The following AP3D1 variants were observed in gnomAD, a reference collection of about 807,000 sequenced individuals.
The protein encoded by AP3D1 is adaptor related protein complex 3 subunit delta 1, also known as AP-3 complex subunit delta-1.
In AP3D1, 51 loss-of-function variants were observed where a neutral mutation model predicts 147.6. That is an observed-to-expected ratio of 0.35 (90% confidence interval 0.28 to 0.44). The LOEUF (loss-of-function observed/expected upper bound fraction) is 0.44. Among genes scored for constraint, AP3D1 ranks in the 20% least tolerant of loss-of-function variants. AP3D1 has a pLI of 1.00. For synonymous variants in AP3D1, 760 were observed against 663.0 expected (o/e 1.15, Z -2.25); for missense variants, 1,421 against 1,624.2 (o/e 0.87, Z 2.15).
At chr19:2,159,412 G>A (rs555062927) in intron 1 of AP3D1, among the ~76,000 whole-genome samples, 1 of 150,252 alleles carries the variant, frequency 6.7e-6, no homozygotes, top group Non-Finnish European at 1.5e-5. Flanking sequence ...TTTTTGAGAC[G>A]GAGTCTCGCT....
chr19:2,125,331 T>G (rs1599466815), intron 9 of AP3D1, among the ~76,000 whole-genome samples: 1 of 152,150 alleles, frequency 6.6e-6, no homozygotes, highest in Non-Finnish European at 1.5e-5. Context: ...GTTTCGTTTT[T>G]TGAGAAGAAG....
In AP3D1 at chr19:2,109,909, C is replaced by A. The variant is rs762226829; in HGVS notation, c.3314G>T (p.Ser1105Ile). The A allele has an allele frequency of 8.1e-6, 13 of 1,613,632 alleles. No individual in the cohort carries two copies. The highest frequency in any genetic ancestry group is 1.1e-5 in the Non-Finnish European group (13 of 1,179,986). Residue 1105 changes from serine (S) to isoleucine (I), a missense_variant, in exon 29 of 32, where the codon AGC becomes ATC. By Grantham distance (142) the Ser-to-Ile change is moderately radical. This residue lies in a region of AP3D1 where 791 missense variants were observed against 761.4 expected (regional missense o/e 1.04). Transcript: ENST00000643116. ...AGTGGTGATCAAGTAGGAGCTGCAG[C>A]TGAAGTGCAGCCTGAAGTCCAGCTT... ...HEKLDFRLHF[S>I]CSSYLITTPC...
rs758320948 is a variant in AP3D1 at position 2,115,422 on chromosome 19, C to T, written c.2150-4G>A. On this transcript the variant is annotated splice_polypyrimidine_tract_variant and splice_region_variant and intron_variant, in intron 19 of 31. Coordinates refer to ENST00000643116, the MANE Select transcript of AP3D1 (RefSeq NM_001261826.3). ...TACTGATCTGACATAGGCAGCCCTG[C>T]GGGCCGGCAGCGGGCAGCCACTCAG... The T allele has an allele frequency of 6.2e-6, 10 of 1,607,094 alleles. No homozygotes were observed. The South Asian group carries it at 6.6e-5, about 11-fold the overall frequency.
intron 31 of AP3D1, among the ~76,000 whole-genome samples, chr19:2,107,954 G>A (rs1231697256): frequency 2.0e-5 from 3 of 152,178 alleles, no homozygotes; most frequent in East Asian, 1.9e-4. Flanking sequence ...CTCACCCAAC[G>A]TGAACGGTAA....
chr19:2,128,092 C>A (rs566223962), intron 8 of AP3D1, among the ~76,000 whole-genome samples: 1 of 152,186 alleles, frequency 6.6e-6, no homozygotes, highest in African/African-American at 2.4e-5. Context: ...GGCGATGACG[C>A]CTCTGCCTGC....
chr19:2,151,933 C>T (rs779846816), upstream of AP3D1, among the ~76,000 whole-genome samples: 3 of 152,248 alleles, frequency 2.0e-5, no homozygotes, highest in Non-Finnish European at 2.9e-5. Context: ...AAGACTGGAG[C>T]TCCGCCTTTC....
At chr19:2,107,860 C>A (rs1318088572) in intron 31 of AP3D1, among the ~76,000 whole-genome samples, 1 of 152,138 alleles carries the variant, frequency 6.6e-6, no homozygotes, top group Admixed American at 6.5e-5. Flanking sequence ...AGGAGCAGCG[C>A]GAATACGGCA....
chr19:2,145,871 A>C (rs2019343147), intron 1 of AP3D1, among the ~76,000 whole-genome samples: 1 of 152,230 alleles, frequency 6.6e-6, no homozygotes. Flanking sequence ...TTCAGGAAGA[A>C]CGCAAGCGGC....
rs1357081718 is a variant in AP3D1, at chr19:2,128,085, G to A, written c.807-884C>T. On this transcript the variant is annotated intron_variant, in intron 8 of 31. Coordinates refer to ENST00000643116, the MANE Select transcript of AP3D1 (RefSeq NM_001261826.3). ...CATGACTGCATCTGAAAGTCATGGC[G>A]ATGACGCCTCTGCCTGCGGCCCACT... is the stretch of plus-strand genomic sequence containing the variant. Among the ~76,000 whole-genome samples, 9 of 152,312 alleles carry A rather than the reference G, an allele frequency of 5.9e-5. No homozygotes were observed. The South Asian group carries it at 1.2e-3, about 21-fold the overall frequency.
At position 2,123,849 on chromosome 19, in the gene AP3D1, T is replaced by C. The variant is rs1194774329; in HGVS notation, c.887A>G (p.Asn296Ser). ...VLISLSSGMPNHSASIQLCVQ... is the reference protein window; with the variant it reads ...VLISLSSGMPSHSASIQLCVQ... Reference sequence around the variant, plus strand: ...ACGTACCTGGATGCTGGCGCTGTGGTTGGGCATGCCGGAGGACAGCGAGAT... The same window carrying C: ...ACGTACCTGGATGCTGGCGCTGTGGCTGGGCATGCCGGAGGACAGCGAGAT... The change falls in exon 10 of 32, where the codon AAC becomes AGC. Residue 296 changes from asparagine (N) to serine (S), a missense_variant. Physicochemically the swap from Asn to Ser is conservative, Grantham distance 46. Coordinates refer to ENST00000643116, the MANE Select transcript of AP3D1 (RefSeq NM_001261826.3). 3.2e-6 allele frequency: 5 copies of C among 1,577,796 alleles called. No individual in the cohort carries two copies. The highest frequency in any genetic ancestry group is 4.3e-6 in the Non-Finnish European group (5 of 1,162,098).
At chr19:2,115,710 A>C in intron 18 of AP3D1, 97 bp from the exon 19 acceptor site, 7 of 1,279,646 alleles carry the variant, frequency 5.5e-6, no homozygotes, top group South Asian at 1.4e-5. Flanking sequence ...CAGCCCCAAC[A>C]TCCTAAGGAG....
chr19:2,110,676 C>A (rs2018246355), intron 27 of AP3D1, 31 bp downstream of exon 27: 1 of 1,550,116 alleles, frequency 6.5e-7, no homozygotes. Context: ...CCACAGTCCC[C>A]AGGAGAGGCC....
intron 1 of AP3D1, among the ~76,000 whole-genome samples, chr19:2,149,676 C>A (rs751979770): frequency 1.8e-4 from 28 of 152,112 alleles, no homozygotes; most frequent in Non-Finnish European, 4.0e-4. Context: ...TGAAGACAGG[C>A]ACATCCCCCT....
At chr19:2,121,424 A>G (rs2018608426) in intron 12 of AP3D1, 113 bp from the exon 13 acceptor site, 8 of 1,363,240 alleles carry the variant, frequency 5.9e-6, no homozygotes, top group African/African-American at 1.4e-5. Context: ...GCGGACCCGG[A>G]TTCACAGATC....
intron 1 of AP3D1, among the ~76,000 whole-genome samples, chr19:2,147,839 C>A (rs2019401054): frequency 1.4e-5 from 2 of 146,042 alleles, no homozygotes; most frequent in Non-Finnish European, 3.0e-5. Flanking sequence ...GAGCCGAGAT[C>A]GTGCCACTGC....
At chr19:2,140,283 T>C (rs1335842971) in intron 1 of AP3D1, among the ~76,000 whole-genome samples, 1 of 152,116 alleles carries the variant, frequency 6.6e-6, no homozygotes, top group Non-Finnish European at 1.5e-5. Flanking sequence ...CGGTTCCATG[T>C]GGAGTTACCG....
chr19:2,146,803 A>G (rs1407316899), intron 1 of AP3D1, among the ~76,000 whole-genome samples: 2 of 151,934 alleles, frequency 1.3e-5, no homozygotes, highest in Admixed American at 1.3e-4. Flanking sequence ...CTTACCATCA[A>G]GGGGGGTCAG....
At chr19:2,162,345 A>G (rs2019722263) in intron 1 of AP3D1, among the ~76,000 whole-genome samples, 1 of 131,856 alleles carries the variant, frequency 7.6e-6, no homozygotes, top group African/African-American at 2.8e-5. Context: ...CCCTGTTGAG[A>G]TCTTGATCAA....
chr19:2,156,316 T>TCATCCATCCTTC (rs1329268339), upstream of AP3D1, among the ~76,000 whole-genome samples: 11 of 152,090 alleles, frequency 7.2e-5, no homozygotes, highest in Non-Finnish European at 1.3e-4. Flanking sequence ...ATCCATCCTT[T>TCATCCATCCTTC]CATCCATCCT....
Sources: allele counts gnomAD v4.1 joint callset (sites outside exome capture counted in the v4.1 genomes callset), GRCh38; gene constraint gnomAD v4.1.1; regional missense constraint gnomAD v4.1.1; transcripts MANE v1.5; gene names NCBI Gene and HGNC (gene_info 2026-07-23, HGNC 2026-07-21).